SERPINI1: variants seen among roughly 807,000 people sequenced by gnomAD.
The protein encoded by SERPINI1 is neuroserpin.
A neutral mutation model predicts 41.1 loss-of-function variants in SERPINI1; 19 were observed. The observed-to-expected ratio is 0.46, with a 90% CI of 0.32 to 0.68. SERPINI1 has a LOEUF of 0.68. Ranked by LOEUF, SERPINI1 falls within the 30% of genes least tolerant of loss-of-function variation. SERPINI1 has a pLI of 0.03. For synonymous variants in SERPINI1, 138 were observed against 156.6 expected (o/e 0.88, Z 0.89); for missense variants, 460 against 479.2 (o/e 0.96, Z 0.37).
intron 1 of SERPINI1, among the ~76,000 whole-genome samples, chr3:167,757,374 A>G (rs1451683465): frequency 6.6e-6 from 1 of 152,204 alleles, no homozygotes; most frequent in Admixed American, 6.5e-5. Context: ...AAACATGAGT[A>G]AAGGAATTAA....
rs186058801 is a variant in SERPINI1 at position 167,778,533 on chromosome 3, G to A, written c.-18-10578G>A. ...GGGGATCACAGGACCAGTTGGGTCC[G>A]TTCGTTTGTGTGAATCACTGATCTG... On this transcript the variant is annotated intron_variant, in intron 1 of 8. Coordinates refer to ENST00000446050, the MANE Select transcript of SERPINI1 (RefSeq NM_001122752.2). Among the ~76,000 whole-genome samples the A allele has an allele frequency of 2.2e-4, 33 of 152,272 alleles. No individual in the cohort carries two copies. In the East Asian group the frequency reaches 3.3e-3, roughly 15 times the overall value.
At chr3:167,756,165 A>G (rs1379468966) in intron 1 of SERPINI1, among the ~76,000 whole-genome samples, 2 of 151,986 alleles carry the variant, frequency 1.3e-5, no homozygotes, top group Non-Finnish European at 2.9e-5. Context: ...CTAGGTATCC[A>G]TGCCCTATGC....
intron 2 of SERPINI1, 58 bp downstream of exon 2, chr3:167,789,436 T>C (rs1202894690): frequency 6.3e-7 from 1 of 1,589,882 alleles, no homozygotes; most frequent in Non-Finnish European, 8.6e-7. Context: ...GACTCAGTTA[T>C]GTTGTATTCT....
At chr3:167,796,466 T>C (rs1274499291) in intron 5 of SERPINI1, among the ~76,000 whole-genome samples, 1 of 152,122 alleles carries the variant, frequency 6.6e-6, no homozygotes, top group Non-Finnish European at 1.5e-5. Context: ...ACCTAGGTAT[T>C]AAGCCTTGCA....
intron 4 of SERPINI1, among the ~76,000 whole-genome samples, chr3:167,793,186 A>G (rs1727586728): frequency 6.6e-6 from 1 of 152,170 alleles, no homozygotes; most frequent in Non-Finnish European, 1.5e-5. Flanking sequence ...ACTTTTAAAA[A>G]AATTTGATTT....
intron 1 of SERPINI1, among the ~76,000 whole-genome samples, chr3:167,785,481 A>G (rs1727274910): frequency 6.6e-6 from 1 of 152,124 alleles, no homozygotes; most frequent in South Asian, 2.1e-4. Flanking sequence ...TTTAGTAGGT[A>G]AAACCCTGTA....
At chr3:167,764,971 CT>C (rs564757201) in intron 1 of SERPINI1, among the ~76,000 whole-genome samples, 55 of 152,344 alleles carry the variant, frequency 3.6e-4, no homozygotes, top group African/African-American at 1.2e-3. Flanking sequence ...GAGGTAGGTT[CT>C]CATTGTCTTG....
chr3:167,801,024 G>C (rs1400242719), intron 5 of SERPINI1, among the ~76,000 whole-genome samples: 1 of 152,092 alleles, frequency 6.6e-6, no homozygotes, highest in Non-Finnish European at 1.5e-5. Flanking sequence ...TGCCATATTG[G>C]CCAGGCTGGT....
chr3:167,762,620 T>C (rs968490608), intron 1 of SERPINI1, among the ~76,000 whole-genome samples: 3 of 152,202 alleles, frequency 2.0e-5, no homozygotes, highest in Non-Finnish European at 2.9e-5. Context: ...CCCTGGCTTC[T>C]GACCCTAGAT....
At chr3:167,802,640 A>T (rs1234937062) in intron 5 of SERPINI1, among the ~76,000 whole-genome samples, 1 of 147,472 alleles carries the variant, frequency 6.8e-6, no homozygotes, top group Non-Finnish European at 1.5e-5. Context: ...GGTGCTGGAG[A>T]GGATGTGGAG....
At chr3:167,779,129 C>A (rs1009986928) in intron 1 of SERPINI1, among the ~76,000 whole-genome samples, 4 of 152,176 alleles carry the variant, frequency 2.6e-5, no homozygotes, top group Non-Finnish European at 5.9e-5. Context: ...GCCTAATATT[C>A]CAGTACCTTC....
At chr3:167,773,153 T>C (rs1726847337) in intron 1 of SERPINI1, among the ~76,000 whole-genome samples, 1 of 151,670 alleles carries the variant, frequency 6.6e-6, no homozygotes, top group African/African-American at 2.4e-5. Flanking sequence ...GAGGGACACA[T>C]CCTAACTATA....
chr3:167,766,457 T>A (rs1004585510), intron 1 of SERPINI1, among the ~76,000 whole-genome samples: 1 of 152,128 alleles, frequency 6.6e-6, no homozygotes, highest in Non-Finnish European at 1.5e-5. Context: ...GATTCAATTA[T>A]CTCCCACTGG....
chr3:167,774,938 A>T (rs1430077147), intron 1 of SERPINI1, among the ~76,000 whole-genome samples: 1 of 152,114 alleles, frequency 6.6e-6, no homozygotes, highest in Non-Finnish European at 1.5e-5. Context: ...GAATCCAAAA[A>T]AGCAAAAAAG....
rs117581084 is a variant in SERPINI1, at chr3:167,822,266, T to C, written c.980-720T>C. The stretch of plus-strand genomic sequence containing the variant: ...TTAAATTTAAAATTCTGTCTCCAAA[T>C]ATAGTCAATCTCTGAAGTACTGGGG... On this transcript the variant is annotated intron_variant, in intron 6 of 8. Coordinates refer to ENST00000446050, the MANE Select transcript of SERPINI1 (RefSeq NM_001122752.2). 2.0e-5 allele frequency among the ~76,000 whole-genome samples: 3 copies of C among 152,274 alleles called. No homozygotes were observed. In the East Asian group the frequency reaches 5.8e-4, roughly 29 times the overall value.
intron 5 of SERPINI1, among the ~76,000 whole-genome samples, chr3:167,799,272 T>C (rs937306453): frequency 3.3e-5 from 5 of 152,168 alleles, no homozygotes; most frequent in African/African-American, 1.2e-4. Flanking sequence ...AACTCCCACT[T>C]GTGAGTGACA....
intron 1 of SERPINI1, among the ~76,000 whole-genome samples, chr3:167,737,658 A>G (rs1321014967): frequency 1.3e-5 from 2 of 152,182 alleles, no homozygotes; most frequent in Admixed American, 6.5e-5. Context: ...TGTAATAATT[A>G]TAATACTACC....
At chr3:167,776,000 A>G (rs1045364100) in intron 1 of SERPINI1, among the ~76,000 whole-genome samples, 33 of 152,316 alleles carry the variant, frequency 2.2e-4, no homozygotes, top group African/African-American at 7.0e-4. Context: ...CACCTACAAA[A>G]TGGGGGGAGG....
At position 167,792,602 on chromosome 3, in the gene SERPINI1, A is replaced by C; in HGVS notation, c.494A>C (p.Asp165Ala). The change falls in exon 4 of 9, where the codon GAT becomes GCT. Residue 165 changes from aspartate to alanine, a missense_variant. Coordinates refer to ENST00000446050, the MANE Select transcript of SERPINI1 (RefSeq NM_001122752.2). ...VENNTNNLVKDLVSPRDFDAA... is the reference protein window; with the variant it reads ...VENNTNNLVKALVSPRDFDAA... Reference sequence around the variant, plus strand: ...TTTTCCTAAATAGATCTGGTGAAAGATTTGGTATCCCCAAGGGATTTTGAT... The same window carrying C: ...TTTTCCTAAATAGATCTGGTGAAAGCTTTGGTATCCCCAAGGGATTTTGAT... 1 of 1,613,374 alleles carries C rather than the reference A, an allele frequency of 6.2e-7. No individual in the cohort carries two copies.
Sources: gnomAD v4.1 joint callset for allele counts (sites outside exome capture counted in the v4.1 genomes callset) on GRCh38, gnomAD v4.1.1 for gene constraint, MANE v1.5 for transcripts, NCBI Gene and HGNC (gene_info 2026-07-23, HGNC 2026-07-21) for gene names.